CCDC112: variants seen among roughly 807,000 people sequenced by gnomAD.
The protein encoded by CCDC112 is coiled-coil domain containing 112.
In CCDC112, 40 loss-of-function variants were observed where a neutral mutation model predicts 66.3. The ratio of observed to expected loss-of-function variants is 0.60; its 90% CI spans 0.47 to 0.79. The LOEUF (loss-of-function observed/expected upper bound fraction) is 0.79. CCDC112 is among the 30% of genes least tolerant of loss of function. The pLI is 0.00. For synonymous variants in CCDC112, 214 were observed against 197.2 expected (o/e 1.09, Z -0.71); for missense variants, 659 against 603.8 (o/e 1.09, Z -0.96).
intron 1 of CCDC112, chr5:115,295,941 G>C: frequency 1.0e-6 from 1 of 985,962 alleles, no homozygotes; most frequent in African/African-American, 1.7e-5. Context: ...GCGGTCCTAA[G>C]CCGATCACTG....
At chr5:115,267,994 T>C in intron 9 of CCDC112, 76 bp from the exon 10 acceptor site, 1 of 1,159,036 alleles carries the variant, frequency 8.6e-7, no homozygotes, top group Non-Finnish European at 1.3e-6. Context: ...GATTAAGTGC[T>C]AACTTTAAAA....
At chr5:115,275,138 A>T in intron 6 of CCDC112, 78 bp downstream of exon 6, 1 of 1,086,318 alleles carries the variant, frequency 9.2e-7, no homozygotes, top group Non-Finnish European at 1.3e-6. Flanking sequence ...CTGTAAAGTT[A>T]ATGAGACATG....
intron 9 of CCDC112, 38 bp downstream of exon 9, chr5:115,268,844 A>T: frequency 8.6e-7 from 1 of 1,167,486 alleles, no homozygotes; most frequent in Non-Finnish European, 1.2e-6. Context: ...TGCAGCAATT[A>T]AATTACTAAA....
intron 1 of CCDC112, among the ~76,000 whole-genome samples, chr5:115,291,271 T>C (rs971722209): frequency 1.3e-4 from 20 of 152,168 alleles, no homozygotes; most frequent in African/African-American, 3.9e-4. Context: ...TCTATTAATA[T>C]GTAGTATTAT....
At chr5:115,275,844 C>A in intron 5 of CCDC112, 150 bp downstream of exon 5, 1 of 692,982 alleles carries the variant, frequency 1.4e-6, no homozygotes, top group South Asian at 2.1e-5. Context: ...GAAAAGCCAC[C>A]TAAAACTGAA....
intron 2 of CCDC112, among the ~76,000 whole-genome samples, chr5:115,280,742 T>G (rs1182820469): frequency 4.6e-5 from 7 of 151,638 alleles, no homozygotes; most frequent in Non-Finnish European, 8.8e-5. Flanking sequence ...TTGATAGATA[T>G]AGGGTTTTGC....
intron 1 of CCDC112, among the ~76,000 whole-genome samples, chr5:115,285,682 T>A (rs1749646678): frequency 6.6e-6 from 1 of 152,216 alleles, no homozygotes; most frequent in African/African-American, 2.4e-5. Context: ...TGGATTTTAT[T>A]GAAGAGTTTT....
chr5:115,271,561 CT>C lies in CCDC112; in HGVS notation c.983del (p.Lys328ArgfsTer40), dbSNP rs1490593820. The part of the protein sequence containing the change: ...KREEIFKLKE[K>X]ADNTPVLFHN... ...GAAAAAGCACAGGTGTGTTGTCTGCCTTTTCCTTTAACTTGAAAATTTCCTC... is the reference window on the plus strand; with the variant it reads ...GAAAAAGCACAGGTGTGTTGTCTGCCTTTCCTTTAACTTGAAAATTTCCTC... On this transcript the variant is annotated frameshift_variant, in exon 7 of 10. Coordinates refer to ENST00000379611, the MANE Select transcript of CCDC112 (RefSeq NM_001040440.3). LOFTEE classifies it high-confidence loss of function. The C allele has an allele frequency of 1.9e-6, 3 of 1,577,936 alleles. No homozygotes were observed. Among genetic ancestry groups the C allele is most frequent in the East Asian group, 2.3e-5 (1 of 43,768 alleles).
rs1748934011 is a variant in CCDC112 at position 115,270,023 on chromosome 5, G to A, written c.1333-225C>T. On this transcript the variant is annotated intron_variant, in intron 7 of 9. Transcript: ENST00000379611. ...TAGGCATCTCTTGTTTTCCTTTAAG[G>A]TTCAACCTAAAACTCCCTTTTAATA... is the stretch of plus-strand genomic sequence containing the variant. Among the ~76,000 whole-genome samples the A allele has an allele frequency of 2.0e-5, 3 of 151,762 alleles. No individual in the cohort carries two copies. In the South Asian group the frequency reaches 6.2e-4, roughly 32 times the overall value.
rs1748795899 is a variant in CCDC112 at position 115,267,760 on chromosome 5, G to A, written c.*116C>T. On this transcript the variant is annotated 3_prime_UTR_variant, in exon 10 of 10. Transcript: ENST00000379611. Reference sequence around the variant, plus strand: ...TTAATACCTCTCAATTCACAATATAGCACAATAATCAATCTGACTAAGCTA... The same window carrying A: ...TTAATACCTCTCAATTCACAATATAACACAATAATCAATCTGACTAAGCTA... The A allele has an allele frequency of 1.2e-6, 1 of 836,206 alleles. No individual in the cohort carries two copies. Among genetic ancestry groups the A allele is most frequent in the African/African-American group, 1.7e-5 (1 of 59,576 alleles). 51.8% of individuals were successfully genotyped at this position (836,206 alleles called of 1,614,324 possible).
chr5:115,296,354 A>AGGGC, intron 1 of CCDC112, 73 bp downstream of exon 1: 1 of 1,462,696 alleles, frequency 6.8e-7, no homozygotes, highest in South Asian at 1.4e-5. Context: ...GGCGCTGCAG[A>AGGGC]GGGCACCTGT....
At chr5:115,294,480 C>T (rs2925186) in intron 1 of CCDC112, among the ~76,000 whole-genome samples, 46,319 of 152,108 alleles carry the variant, frequency 0.3, 7,453 homozygotes, top group Middle Eastern at 0.52. Flanking sequence ...CAGAAACCAA[C>T]CCTAAGGGCA....
chr5:115,280,332 T>C (rs1252573209), intron 2 of CCDC112: 1 of 152,180 alleles, frequency 6.6e-6, no homozygotes, highest in Non-Finnish European at 1.5e-5. Flanking sequence ...TTAATAAAAC[T>C]AAAACTTCGA....
intron 1 of CCDC112, among the ~76,000 whole-genome samples, chr5:115,295,725 G>A (rs1750122890): frequency 6.6e-6 from 1 of 152,136 alleles, no homozygotes; most frequent in East Asian, 1.9e-4. Context: ...GGGGTGCGAG[G>A]GAGGGTGAGG....
At chr5:115,272,791 G>A (rs1749061394) in intron 6 of CCDC112, among the ~76,000 whole-genome samples, 1 of 152,042 alleles carries the variant, frequency 6.6e-6, no homozygotes, top group Non-Finnish European at 1.5e-5. Flanking sequence ...TATAAACAAG[G>A]CAATGTGATA....
chr5:115,271,239 C>A lies in CCDC112; in HGVS notation c.1306G>T (p.Asp436Tyr). The change falls in exon 7 of 10, where the codon GAT (aspartate) becomes TAT (tyrosine). Residue 436 changes from aspartate to tyrosine, a missense_variant. Transcript: ENST00000379611. ...EKAEKRKNAADEISRFQERDL... is the reference protein window; with the variant it reads ...EKAEKRKNAAYEISRFQERDL... The stretch of plus-strand genomic sequence containing the variant: ...CTTTCTTGAAATCTGGAAATTTCAT[C>A]AGCAGCATTTTTCCTTTTTTCTGCC... 6.3e-7 allele frequency: 1 copy of A among 1,580,960 alleles called. No individual in the cohort carries two copies. Among genetic ancestry groups the A allele is most frequent in the Non-Finnish European group, 8.5e-7 (1 of 1,171,870 alleles).
rs923588814 is a variant in CCDC112, at chr5:115,295,986, T to C, written c.117+441A>G. The C allele has an allele frequency of 5.1e-6, 5 of 987,732 alleles. No homozygotes were observed. In the African/African-American group the frequency reaches 8.7e-5, roughly 17 times the overall value. 61.2% of individuals were successfully genotyped at this position (987,732 alleles called of 1,614,324 possible). A position where few individuals can be genotyped will look rare whatever the true frequency, so the allele number is the denominator to read the frequency against. ...CTGCCTCCGACCATCCCATATTGTC[T>C]TTCTCCTTGTGTTCCCAGCGCCGGT... On this transcript the variant is annotated intron_variant, in intron 1 of 9. Transcript: ENST00000379611.
chr5:115,275,995 T>A lies in CCDC112; in HGVS notation c.526A>T (p.Ile176Leu). 6.3e-7 allele frequency: 1 copy of A among 1,587,944 alleles called. No homozygotes were observed. Among genetic ancestry groups the A allele is most frequent in the Non-Finnish European group, 8.6e-7 (1 of 1,161,810 alleles). Residue 176 changes from isoleucine to leucine, a missense_variant and splice_region_variant, in exon 5 of 10, where the codon ATA becomes TTA. Coordinates refer to ENST00000379611, the MANE Select transcript of CCDC112 (RefSeq NM_001040440.3). ...INTFKEEQRL[I>L]YEELIKEEKT... ...TATTAAAATGAGTTTAAAACATACA[T>A]CAACCTCTGCTCTTCTTTAAAAGTG...
intron 2 of CCDC112, among the ~76,000 whole-genome samples, chr5:115,281,212 C>T (rs1749442178): frequency 6.6e-6 from 1 of 151,932 alleles, no homozygotes; most frequent in Admixed American, 6.6e-5. Flanking sequence ...TTCATAGAGA[C>T]AGAATTTCGC....
Sources: allele counts gnomAD v4.1 joint callset (sites outside exome capture counted in the v4.1 genomes callset), GRCh38; gene constraint gnomAD v4.1.1; transcripts MANE v1.5; gene names NCBI Gene and HGNC (gene_info 2026-07-23, HGNC 2026-07-21).